Variants in AOPEP observed in about 807,000 individuals in gnomAD.
AOPEP encodes the protein aminopeptidase O.
A neutral mutation model predicts 98.1 loss-of-function variants in AOPEP; 77 were observed. That is an observed-to-expected ratio of 0.78 (90% CI 0.65 to 0.95). The LOEUF (loss-of-function observed/expected upper bound fraction) is 0.95, where lower values mean the gene tolerates loss of function less well. Among genes scored for constraint, AOPEP ranks in the 40% least tolerant of loss-of-function variants. The pLI, the probability that AOPEP is intolerant of heterozygous loss-of-function variation, is 0.00. For missense variants in AOPEP, 1,024 were observed against 1,024.7 expected (o/e 1.00, Z 0.01); for synonymous variants, 346 against 365.3 (o/e 0.95, Z 0.60).
At chr9:94,996,060 G>A (rs2061206142) in intron 11 of AOPEP, among the ~76,000 whole-genome samples, 1 of 152,190 alleles carries the variant, frequency 6.6e-6, no homozygotes, top group African/African-American at 2.4e-5. Context: ...GGGGAGGACA[G>A]GTCCTTTTTC....
At chr9:95,097,611 C>T in the AOPEP span, among the ~76,000 whole-genome samples, 2 of 152,234 alleles carry the variant, frequency 1.3e-5, no homozygotes, top group Non-Finnish European at 2.9e-5. Flanking sequence ...CCTTTTTCAT[C>T]AGTTCCCCTT....
chr9:95,036,942 T>A (rs1272218277), intron 13 of AOPEP, among the ~76,000 whole-genome samples: 1 of 152,224 alleles, frequency 6.6e-6, no homozygotes, highest in Non-Finnish European at 1.5e-5. Context: ...GGATGGATGC[T>A]CCCTGTGATG....
At position 94,733,816 on chromosome 9, in the gene AOPEP, G is replaced by A. The variant is rs1394728800; in HGVS notation, c.-136+7065G>A. Among the ~76,000 whole-genome samples the A allele has an allele frequency of 2.6e-5, 4 of 152,086 alleles. No individual in the cohort carries two copies. In the East Asian group the frequency reaches 7.7e-4, roughly 29 times the overall value. ...GGTGCTTTTCAATTTCCAGGAATTT[G>A]TTGAAATATTTTGTCTTGGCAAGGA... On this transcript the variant is annotated intron_variant, in intron 1 of 16. Coordinates refer to ENST00000375315, the MANE Select transcript of AOPEP (RefSeq NM_001193329.3).
intron 7 of AOPEP, among the ~76,000 whole-genome samples, chr9:94,941,386 C>T (rs551078731): frequency 1.0e-3 from 155 of 152,378 alleles, no homozygotes; most frequent in African/African-American, 3.7e-3. Context: ...CCCCTACCCA[C>T]TCCTGTCTGT....
At chr9:94,727,900 T>C (rs1829574974) in intron 1 of AOPEP, among the ~76,000 whole-genome samples, 1 of 152,210 alleles carries the variant, frequency 6.6e-6, no homozygotes, top group Admixed American at 6.5e-5. Context: ...TACAACCACC[T>C]CGTGAGTTAG....
chr9:95,105,825 G>C, the AOPEP span, among the ~76,000 whole-genome samples: 1 of 152,206 alleles, frequency 6.6e-6, no homozygotes, highest in Non-Finnish European at 1.5e-5. Flanking sequence ...TCTTCAGGCT[G>C]AACAGTACTC....
At chr9:95,017,364 A>G (rs575456639) in intron 13 of AOPEP, among the ~76,000 whole-genome samples, 3 of 152,378 alleles carry the variant, frequency 2.0e-5, no homozygotes, top group South Asian at 2.1e-4. Flanking sequence ...AAATTTGTAC[A>G]ACATGTTACT....
intron 5 of AOPEP, among the ~76,000 whole-genome samples, chr9:94,809,574 G>A (rs967264308): frequency 1.3e-5 from 2 of 152,220 alleles, no homozygotes; most frequent in Non-Finnish European, 2.9e-5. Flanking sequence ...CCCTGGGCAA[G>A]GGCTTTGCTT....
the AOPEP span, chr9:95,114,453 A>G: frequency 1.4e-6 from 1 of 710,526 alleles, no homozygotes; most frequent in Non-Finnish European, 2.6e-6. Flanking sequence ...GACCTGCTCC[A>G]AGCCATCCGT....
chr9:94,868,839 T>G (rs1235246230), intron 5 of AOPEP, among the ~76,000 whole-genome samples: 1 of 152,242 alleles, frequency 6.6e-6, no homozygotes, highest in Non-Finnish European at 1.5e-5. Flanking sequence ...TCATGTGTAT[T>G]CGGAATGTAT....
chr9:94,857,164 C>G (rs2044323252), intron 5 of AOPEP, among the ~76,000 whole-genome samples: 2 of 152,328 alleles, frequency 1.3e-5, no homozygotes, highest in Admixed American at 1.3e-4. Context: ...TATCCTCACC[C>G]TTCTGTCTCT....
At chr9:94,743,193 A>AGAAGAGGAAAAAGAG (rs61707177) in intron 1 of AOPEP, among the ~76,000 whole-genome samples, 1 of 121,932 alleles carries the variant, frequency 8.2e-6, no homozygotes, top group Admixed American at 8.7e-5. Flanking sequence ...AAGAAGAAGA[A>AGAAGAGGAAAAAGAG]GAAGAAGAGG....
chr9:94,964,861 G>A (rs1262827672), intron 9 of AOPEP, among the ~76,000 whole-genome samples: 3 of 151,800 alleles, frequency 2.0e-5, no homozygotes, highest in Non-Finnish European at 2.9e-5. Flanking sequence ...GGCTGGTCTC[G>A]AACTCCTTAC....
the AOPEP span, among the ~76,000 whole-genome samples, chr9:95,136,606 T>C: frequency 6.6e-6 from 1 of 152,076 alleles, no homozygotes; most frequent in Non-Finnish European, 1.5e-5. Context: ...CCTGCATCAG[T>C]CTCCCCAGTA....
At chr9:94,928,915 G>A (rs2054828928) in intron 7 of AOPEP, 1 of 192,574 alleles carries the variant, frequency 5.2e-6, no homozygotes, top group Admixed American at 5.9e-5. Flanking sequence ...ATTCCTAAGT[G>A]TTTAGTGGTC....
At chr9:94,754,337 G>A (rs1407577639) in intron 1 of AOPEP, among the ~76,000 whole-genome samples, 1 of 152,208 alleles carries the variant, frequency 6.6e-6, no homozygotes, top group East Asian at 1.9e-4. Context: ...ACCTGGAATA[G>A]CAGAAAGCTG....
chr9:94,792,999 G>A (rs1296048706), intron 4 of AOPEP, 81 bp downstream of exon 4: 1 of 1,401,622 alleles, frequency 7.1e-7, no homozygotes, highest in Non-Finnish European at 9.7e-7. Context: ...TCCAAGCACT[G>A]GGAATGTGAG....
chr9:95,005,459 G>A, intron 12 of AOPEP, 83 bp from the exon 13 acceptor site: 2 of 1,336,844 alleles, frequency 1.5e-6, no homozygotes, highest in South Asian at 1.2e-5. Flanking sequence ...TCGCGAGGCC[G>A]GGGGTCTCTG....
intron 13 of AOPEP, among the ~76,000 whole-genome samples, chr9:95,051,609 G>T (rs1394995364): frequency 1.3e-5 from 2 of 151,694 alleles, no homozygotes; most frequent in Non-Finnish European, 2.9e-5. Context: ...ATTGCAGTTT[G>T]TTATAATTAA....
Sources: gnomAD v4.1 joint callset for allele counts (sites outside exome capture counted in the v4.1 genomes callset) on GRCh38, gnomAD v4.1.1 for gene constraint, MANE v1.5 for transcripts, NCBI Gene and HGNC (gene_info 2026-07-23, HGNC 2026-07-21) for gene names.